ACOXL: variants seen among roughly 807,000 people sequenced by gnomAD.
ACOXL encodes acyl-CoA oxidase like.
A neutral mutation model predicts 71.9 loss-of-function variants in ACOXL; 70 were observed. The observed-to-expected ratio is 0.97, with a 90% CI of 0.80 to 1.19. The LOEUF is 1.19. Ranked by LOEUF, ACOXL falls within the 50% of genes most tolerant of loss-of-function variation. ACOXL has a pLI of 0.00. For synonymous variants in ACOXL, 253 were observed against 281.6 expected (o/e 0.90, Z 1.02); for missense variants, 703 against 736.3 (o/e 0.95, Z 0.52).
At chr2:110,747,240 TC>T (rs2104762860) in intron 1 of ACOXL, among the ~76,000 whole-genome samples, 1 of 152,316 alleles carries the variant, frequency 6.6e-6, no homozygotes, top group Admixed American at 6.5e-5. Flanking sequence ...GGTCTCTGAG[TC>T]CATTCTTTGG....
At chr2:110,867,628 G>T (rs2149020242) in intron 10 of ACOXL, among the ~76,000 whole-genome samples, 1 of 152,328 alleles carries the variant, frequency 6.6e-6, no homozygotes, top group South Asian at 2.1e-4. Flanking sequence ...GAAGGTCTGG[G>T]TGGGGACTGG....
chr2:110,796,210 T>G (rs1442438455), intron 5 of ACOXL: 2 of 152,214 alleles, frequency 1.3e-5, no homozygotes, highest in Non-Finnish European at 2.9e-5. Context: ...TCCTGTGGGT[T>G]GGTTGTTTTA....
At chr2:111,045,647 C>T (rs1267436010) in intron 15 of ACOXL, among the ~76,000 whole-genome samples, 2 of 152,282 alleles carry the variant, frequency 1.3e-5, no homozygotes, top group East Asian at 3.9e-4. Flanking sequence ...TTTTCACCCC[C>T]TCTTCTCTTT....
chr2:110,981,786 G>T (rs2062716807), intron 12 of ACOXL, among the ~76,000 whole-genome samples: 1 of 152,128 alleles, frequency 6.6e-6, no homozygotes, highest in Admixed American at 6.5e-5. Context: ...GAGAATAGTT[G>T]CGTGTGCATA....
At chr2:110,985,157 G>A (rs913027032) in intron 12 of ACOXL, among the ~76,000 whole-genome samples, 1 of 75,798 alleles carries the variant, frequency 1.3e-5, no homozygotes, top group African/African-American at 6.6e-5. Context: ...TAGTGAAATG[G>A]AACTGGATTG....
chr2:111,046,761 A>G (rs2066035443), intron 15 of ACOXL, among the ~76,000 whole-genome samples: 1 of 152,144 alleles, frequency 6.6e-6, no homozygotes, highest in Non-Finnish European at 1.5e-5. Flanking sequence ...ACCAAACCAT[A>G]TCAGGTGGGA....
intron 17 of ACOXL, among the ~76,000 whole-genome samples, chr2:111,113,887 C>T (rs975074111): frequency 2.6e-5 from 4 of 152,154 alleles, no homozygotes; most frequent in Admixed American, 6.5e-5. Flanking sequence ...AAAATGAAGT[C>T]AACTGAAAAA....
At chr2:111,109,401 T>G (rs997281893) in intron 17 of ACOXL, among the ~76,000 whole-genome samples, 1 of 152,156 alleles carries the variant, frequency 6.6e-6, no homozygotes, top group African/African-American at 2.4e-5. Flanking sequence ...GGCATGTATG[T>G]TGGATTGCCA....
chr2:110,897,526 C>T (rs936766544), intron 10 of ACOXL, among the ~76,000 whole-genome samples: 1 of 152,148 alleles, frequency 6.6e-6, no homozygotes, highest in Non-Finnish European at 1.5e-5. Flanking sequence ...GAGTGCACTC[C>T]TCTCATCAAT....
intron 9 of ACOXL, among the ~76,000 whole-genome samples, chr2:110,808,920 T>C (rs1686985154): frequency 6.6e-6 from 1 of 152,224 alleles, no homozygotes; most frequent in Non-Finnish European, 1.5e-5. Flanking sequence ...CTGCTGTGTG[T>C]TCAGCTTCAC....
chr2:110,893,690 T>C (rs1334466797), intron 10 of ACOXL, among the ~76,000 whole-genome samples: 1 of 152,176 alleles, frequency 6.6e-6, no homozygotes, highest in East Asian at 1.9e-4. Flanking sequence ...GAATATTAGG[T>C]AAATAGAAAA....
intron 14 of ACOXL, among the ~76,000 whole-genome samples, chr2:111,012,920 A>G (rs2064234496): frequency 6.6e-6 from 1 of 152,226 alleles, no homozygotes. Flanking sequence ...GAGCAAAATC[A>G]GTAGAATAAA....
At chr2:111,009,815 T>C (rs1057391929) in intron 14 of ACOXL, among the ~76,000 whole-genome samples, 3 of 152,124 alleles carry the variant, frequency 2.0e-5, no homozygotes, top group African/African-American at 7.2e-5. Flanking sequence ...AGGGATGTGG[T>C]AAACTCATGC....
chr2:110,820,298 G>A lies in ACOXL; in HGVS notation c.753+14903G>A, dbSNP rs143508432. Among the ~76,000 whole-genome samples the A allele has an allele frequency of 4.6e-4, 70 of 152,298 alleles. 1 individual carries two copies. In the Middle Eastern group the frequency reaches 0.014, roughly 30 times the overall value. ...AAAGAGGAAGTGAGAGGGAGAGACC[G>A]ATGCTGCTAGGGAGAGGAAGTTAAC... On this transcript the variant is annotated intron_variant, in intron 9 of 17. Transcript: ENST00000439055.
intron 14 of ACOXL, among the ~76,000 whole-genome samples, chr2:111,016,899 C>T (rs2064469661): frequency 7.0e-6 from 1 of 143,614 alleles, no homozygotes; most frequent in Non-Finnish European, 1.5e-5. Context: ...AAGCAGGGCC[C>T]CAGCAAGATG....
At chr2:111,034,450 G>A (rs2065417934) in intron 15 of ACOXL, among the ~76,000 whole-genome samples, 1 of 152,196 alleles carries the variant, frequency 6.6e-6, no homozygotes, top group Non-Finnish European at 1.5e-5. Flanking sequence ...TTTGATGATG[G>A]CACAGTACAA....
At chr2:110,844,777 C>T (rs758138626) in intron 10 of ACOXL, among the ~76,000 whole-genome samples, 1 of 151,980 alleles carries the variant, frequency 6.6e-6, no homozygotes, top group Non-Finnish European at 1.5e-5. Flanking sequence ...GAACTCCTGA[C>T]CTCAAGGGAT....
intron 10 of ACOXL, among the ~76,000 whole-genome samples, chr2:110,842,395 T>A (rs1691284039): frequency 6.6e-6 from 1 of 152,192 alleles, no homozygotes. Context: ...GAAATACATT[T>A]TCCTGGCCCA....
chr2:110,769,921 G>A (rs571740974), intron 2 of ACOXL, among the ~76,000 whole-genome samples: 15 of 152,016 alleles, frequency 9.9e-5, no homozygotes, highest in Non-Finnish European at 2.1e-4. Context: ...CACACCTGTA[G>A]TACCAGCTAC....
Sources: gnomAD v4.1 joint callset for allele counts (sites outside exome capture counted in the v4.1 genomes callset) on GRCh38, gnomAD v4.1.1 for gene constraint, MANE v1.5 for transcripts, NCBI Gene and HGNC (gene_info 2026-07-23, HGNC 2026-07-21) for gene names.